Variants in KIF16B observed in about 807,000 individuals in gnomAD.
KIF16B encodes kinesin family member 16B, also known as kinesin-like protein KIF16B.
KIF16B carries 98 observed loss-of-function variants against 156.3 expected under a neutral mutation model. That is an observed-to-expected ratio of 0.63 (90% CI 0.53 to 0.74). KIF16B has a LOEUF of 0.74. Ranked by LOEUF, KIF16B falls within the 30% of genes least tolerant of loss-of-function variation. The pLI is 0.00. For synonymous variants in KIF16B, 564 were observed against 583.7 expected (o/e 0.97, Z 0.49); for missense variants, 1,421 against 1,606.5 (o/e 0.88, Z 1.97).
At chr20:16,524,629 G>A (rs964846650) in intron 3 of KIF16B, among the ~76,000 whole-genome samples, 4 of 152,124 alleles carry the variant, frequency 2.6e-5, no homozygotes, top group Non-Finnish European at 5.9e-5. Context: ...GATTCCTCAA[G>A]GATCTAGAAC....
intron 22 of KIF16B, 22 bp downstream of exon 22, chr20:16,370,564 A>C: frequency 6.4e-7 from 1 of 1,555,524 alleles, no homozygotes; most frequent in Non-Finnish European, 8.6e-7. Context: ...CGACCCTATC[A>C]ATCTGAAAAA....
At chr20:16,550,528 CTTT>C (rs745923425) in intron 1 of KIF16B, among the ~76,000 whole-genome samples, 2,630 of 103,368 alleles carry the variant, frequency 0.025, 30 homozygotes, top group Middle Eastern at 0.079. Flanking sequence ...ATGAAACATT[CTTT>C]TTTTTTTTTT....
intron 25 of KIF16B, among the ~76,000 whole-genome samples, chr20:16,297,697 GAA>G (rs35929179): frequency 8.3e-4 from 86 of 103,924 alleles, no homozygotes; most frequent in Admixed American, 2.3e-3. Flanking sequence ...CTCCATCTCA[GAA>G]AAAAAAAAAA....
chr20:16,519,815 C>T (rs544014890), intron 3 of KIF16B, among the ~76,000 whole-genome samples: 25 of 152,242 alleles, frequency 1.6e-4, no homozygotes, highest in African/African-American at 5.8e-4. Flanking sequence ...ATTGAAGTAC[C>T]CGGCTGGCTC....
intron 15 of KIF16B, among the ~76,000 whole-genome samples, chr20:16,409,720 G>A (rs1355073605): frequency 2.0e-5 from 3 of 151,552 alleles, no homozygotes; most frequent in South Asian, 2.1e-4. Flanking sequence ...AAGAGGAGAC[G>A]GGGGTGAGGA....
At chr20:16,442,629 T>G (rs1175876354) in intron 12 of KIF16B, among the ~76,000 whole-genome samples, 1 of 152,084 alleles carries the variant, frequency 6.6e-6, no homozygotes, top group Non-Finnish European at 1.5e-5. Flanking sequence ...CTGGTTTATC[T>G]CTTTTGCAAG....
chr20:16,423,953 T>A (rs1050380291), intron 15 of KIF16B, among the ~76,000 whole-genome samples: 2 of 152,126 alleles, frequency 1.3e-5, no homozygotes, highest in Admixed American at 6.6e-5. Context: ...GAGCCCTACA[T>A]GGTGACCTCT....
At chr20:16,504,947 A>G (rs753941455) in intron 9 of KIF16B, among the ~76,000 whole-genome samples, 7 of 152,134 alleles carry the variant, frequency 4.6e-5, no homozygotes, top group South Asian at 2.1e-4. Context: ...ACAGAATATG[A>G]TAAGTTTTGA....
intron 12 of KIF16B, among the ~76,000 whole-genome samples, chr20:16,489,552 T>A (rs1035126754): frequency 1.3e-5 from 2 of 151,850 alleles, no homozygotes; most frequent in Admixed American, 6.6e-5. Flanking sequence ...CAAAACTTAG[T>A]CAGGCATGGT....
At chr20:16,334,249 G>A (rs966309174) in intron 24 of KIF16B, among the ~76,000 whole-genome samples, 27 of 152,316 alleles carry the variant, frequency 1.8e-4, no homozygotes, top group African/African-American at 3.6e-4. Flanking sequence ...CGCAAAATCC[G>A]TCCGTTATTA....
intron 12 of KIF16B, among the ~76,000 whole-genome samples, chr20:16,446,946 C>T (rs916210226): frequency 3.3e-5 from 5 of 152,208 alleles, no homozygotes; most frequent in African/African-American, 9.6e-5. Flanking sequence ...TATTCACCAA[C>T]TCTACTCCCA....
At chr20:16,333,554 G>C (rs2063985718) in intron 24 of KIF16B, among the ~76,000 whole-genome samples, 1 of 152,182 alleles carries the variant, frequency 6.6e-6, no homozygotes, top group South Asian at 2.1e-4. Flanking sequence ...TTTAAAACAT[G>C]TTTGTAATAC....
At chr20:16,492,381 C>T (rs1397461780) in intron 12 of KIF16B, among the ~76,000 whole-genome samples, 2 of 152,074 alleles carry the variant, frequency 1.3e-5, no homozygotes, top group Non-Finnish European at 2.9e-5. Context: ...AGGTTTAAAG[C>T]ACAAATACTA....
chr20:16,567,903 G>C (rs1399570681), intron 1 of KIF16B, among the ~76,000 whole-genome samples: 2 of 152,216 alleles, frequency 1.3e-5, no homozygotes, highest in African/African-American at 4.8e-5. Context: ...AGTGAACCGA[G>C]ATCGCGCCAC....
chr20:16,313,454 A>G (rs1281866457), intron 24 of KIF16B, among the ~76,000 whole-genome samples: 1 of 152,226 alleles, frequency 6.6e-6, no homozygotes, highest in Non-Finnish European at 1.5e-5. Context: ...ATACATACAG[A>G]AAAGTGCACA....
intron 15 of KIF16B, among the ~76,000 whole-genome samples, chr20:16,414,744 G>T (rs963578550): frequency 6.6e-6 from 1 of 152,092 alleles, no homozygotes; most frequent in Non-Finnish European, 1.5e-5. Flanking sequence ...GCAGGGAGAG[G>T]GGGTGGTAAG....
chr20:16,500,310 G>A (rs180912460), intron 10 of KIF16B, among the ~76,000 whole-genome samples: 18 of 152,190 alleles, frequency 1.2e-4, no homozygotes, highest in Middle Eastern at 6.8e-3. Flanking sequence ...TTGTGTTCAC[G>A]TCCTTTGCCC....
chr20:16,409,970 CATATATATATATATATATATAT>C (rs2065883267), intron 15 of KIF16B, among the ~76,000 whole-genome samples: 1 of 42,698 alleles, frequency 2.3e-5, no homozygotes, highest in East Asian at 1.3e-3. Context: ...TATATATATA[CATATATATATATATATATATAT>C]GTAGGTACAT....
chr20:16,572,092 G>A (rs775215645), intron 1 of KIF16B, among the ~76,000 whole-genome samples: 1 of 152,064 alleles, frequency 6.6e-6, no homozygotes, highest in Non-Finnish European at 1.5e-5. Context: ...TATTCCCTTA[G>A]AGCAAAAAAG....
Sources: allele counts gnomAD v4.1 joint callset (sites outside exome capture counted in the v4.1 genomes callset), GRCh38; gene constraint gnomAD v4.1.1; transcripts MANE v1.5; gene names NCBI Gene and HGNC (gene_info 2026-07-23, HGNC 2026-07-21).